AKAP12: variants seen among roughly 807,000 people sequenced by gnomAD.
The protein encoded by AKAP12 is A-kinase anchor protein 12.
Under a neutral mutation model 79.9 loss-of-function variants are expected in AKAP12, and 32 were observed. That is an observed-to-expected ratio of 0.40 (90% CI 0.30 to 0.54). The LOEUF is 0.54. AKAP12 is among the 20% of genes least tolerant of loss of function. The pLI, the probability that AKAP12 is intolerant of heterozygous loss-of-function variation, is 0.48. For synonymous variants in AKAP12, 808 were observed against 857.0 expected, an observed-to-expected ratio of 0.94 and a Z score of 1.00; for missense variants, 2,074 against 2,177.0, an observed-to-expected ratio of 0.95 and a Z score of 0.94.
Position 151,283,725 on chromosome 6 carries a change from A to G in AKAP12, c.163-22022A>G, listed in dbSNP as rs34790789. Among the ~76,000 whole-genome samples the G allele has an allele frequency of 7.7e-3, 1,180 of 152,360 alleles. 10 individuals carry two copies. Among genetic ancestry groups the G allele is most frequent in the Non-Finnish European group, 0.013 (851 of 68,036 alleles). On this transcript the variant is annotated intron_variant, in intron 2 of 4. Transcript: ENST00000402676. ...GGGAGAGACAGAGACAGAATTCAGTATAAAGACAGAAAGCCCACTGTTAAA... is the reference window on the plus strand; with the variant it reads ...GGGAGAGACAGAGACAGAATTCAGTGTAAAGACAGAAAGCCCACTGTTAAA...
At chr6:151,279,899 A>G (rs1443228649) in intron 2 of AKAP12, among the ~76,000 whole-genome samples, 2 of 152,208 alleles carry the variant, frequency 1.3e-5, no homozygotes, top group Non-Finnish European at 2.9e-5. Context: ...AAAATTTTAA[A>G]TAAATATCTT....
At chr6:151,296,990 A>G (rs1038210437) in intron 2 of AKAP12, among the ~76,000 whole-genome samples, 7 of 148,032 alleles carry the variant, frequency 4.7e-5, no homozygotes, top group Non-Finnish European at 1.0e-4. Flanking sequence ...ATTGGAAAAT[A>G]TATTGTATGC....
chr6:151,262,272 G>T (rs1797454499), intron 2 of AKAP12, among the ~76,000 whole-genome samples: 1 of 152,172 alleles, frequency 6.6e-6, no homozygotes. Flanking sequence ...ATGGTTTTTA[G>T]ATGTTTTCTT....
At chr6:151,266,350 A>G (rs1334259139) in intron 2 of AKAP12, among the ~76,000 whole-genome samples, 1 of 152,048 alleles carries the variant, frequency 6.6e-6, no homozygotes, top group African/African-American at 2.4e-5. Context: ...AATATTTTTC[A>G]AACTTAGATA....
At chr6:151,291,156 C>G (rs1463882729) in intron 2 of AKAP12, among the ~76,000 whole-genome samples, 1 of 152,200 alleles carries the variant, frequency 6.6e-6, no homozygotes, top group African/African-American at 2.4e-5. Flanking sequence ...GCCTCTGAGA[C>G]AGCAGCTGCC....
chr6:151,325,196 A>C (rs1270275741), intron 3 of AKAP12: 7 of 985,304 alleles, frequency 7.1e-6, no homozygotes, highest in Non-Finnish European at 8.4e-6. Context: ...CAGATGGTGA[A>C]AATATCAAAT....
chr6:151,318,191 C>G (rs188256262), intron 3 of AKAP12, among the ~76,000 whole-genome samples: 25 of 152,284 alleles, frequency 1.6e-4, no homozygotes, highest in African/African-American at 5.5e-4. Context: ...AGGGAGCAGT[C>G]TGCAGTCCAG....
intron 2 of AKAP12, among the ~76,000 whole-genome samples, chr6:151,241,997 CTG>C (rs775707090): frequency 6.6e-6 from 1 of 152,070 alleles, no homozygotes; most frequent in Non-Finnish European, 1.5e-5. Flanking sequence ...TAAGTACTAA[CTG>C]TGTCTCTGTG....
intron 3 of AKAP12, among the ~76,000 whole-genome samples, chr6:151,329,601 C>T (rs942728537): frequency 6.6e-6 from 1 of 152,104 alleles, no homozygotes; most frequent in Non-Finnish European, 1.5e-5. Flanking sequence ...ATGCACTTTC[C>T]GATGCAAATA....
At chr6:151,283,681 T>C (rs1776448391) in intron 2 of AKAP12, among the ~76,000 whole-genome samples, 1 of 152,128 alleles carries the variant, frequency 6.6e-6, no homozygotes, top group South Asian at 2.1e-4. Flanking sequence ...GGCATTCTGA[T>C]CAGAGAATGC....
intron 2 of AKAP12, among the ~76,000 whole-genome samples, chr6:151,267,426 T>C (rs1776073459): frequency 6.6e-6 from 1 of 152,190 alleles, no homozygotes; most frequent in South Asian, 2.1e-4. Context: ...AAGTCAGACA[T>C]GTAGATTTTG....
At chr6:151,302,890 TTTAG>T (rs1776891840) in intron 2 of AKAP12, among the ~76,000 whole-genome samples, 1 of 152,172 alleles carries the variant, frequency 6.6e-6, no homozygotes, top group South Asian at 2.1e-4. Context: ...CTCAATGATA[TTTAG>T]TTAGAATACT....
intron 2 of AKAP12, among the ~76,000 whole-genome samples, chr6:151,243,463 A>T (rs6937090): frequency 0.32 from 48,101 of 152,048 alleles, 8,743 homozygotes; most frequent in Non-Finnish European, 0.4. Flanking sequence ...CAGACATTAC[A>T]CTGGTTGAAT....
intron 3 of AKAP12, chr6:151,325,677 CT>C: frequency 7.0e-7 from 1 of 1,428,216 alleles, no homozygotes; most frequent in African/African-American, 1.4e-5. Flanking sequence ...CCGCGCTCTG[CT>C]TTTCGCTGCG....
chr6:151,302,186 A>AT (rs1161084124), intron 2 of AKAP12, among the ~76,000 whole-genome samples: 1 of 151,512 alleles, frequency 6.6e-6, no homozygotes, highest in Admixed American at 6.6e-5. Context: ...AATTTTTTGC[A>AT]TTTTTAGTAG....
chr6:151,321,019 C>A (rs1444115239), intron 3 of AKAP12, among the ~76,000 whole-genome samples: 1 of 151,374 alleles, frequency 6.6e-6, no homozygotes, highest in Non-Finnish European at 1.5e-5. Context: ...GGGAGTCTTG[C>A]TCTGTTGCCC....
intron 3 of AKAP12, chr6:151,343,989 T>C (rs1295228628): frequency 9.1e-6 from 4 of 441,164 alleles, no homozygotes; most frequent in Non-Finnish European, 1.7e-5. Flanking sequence ...GTAGTTTAAA[T>C]CGTCGATGTC....
intron 3 of AKAP12, among the ~76,000 whole-genome samples, chr6:151,341,429 T>A (rs1777942655): frequency 1.3e-5 from 2 of 152,176 alleles, no homozygotes; most frequent in Admixed American, 1.3e-4. Flanking sequence ...CAGGATGGTT[T>A]TCGGCCTCAG....
chr6:151,276,159 TG>T (rs1167148846), intron 2 of AKAP12, among the ~76,000 whole-genome samples: 5 of 152,214 alleles, frequency 3.3e-5, no homozygotes, highest in African/African-American at 1.2e-4. Flanking sequence ...CAATTTTCAG[TG>T]TAGAACAAAA....
Sources: gnomAD v4.1 joint callset for allele counts (sites outside exome capture counted in the v4.1 genomes callset) on GRCh38, gnomAD v4.1.1 for gene constraint, MANE v1.5 for transcripts, NCBI Gene and HGNC (gene_info 2026-07-23, HGNC 2026-07-21) for gene names.